The following WDR25 variants were observed in gnomAD, a reference collection of about 807,000 sequenced individuals.
WDR25 encodes WD repeat domain 25.
In WDR25, 35 loss-of-function variants were observed where a neutral mutation model predicts 47.7. That is an observed-to-expected ratio of 0.73 (90% CI 0.56 to 0.97). The LOEUF (loss-of-function observed/expected upper bound fraction) is 0.97. WDR25 is among the 50% of genes least tolerant of loss of function. WDR25 has a pLI of 0.00. For missense variants in WDR25, 634 were observed against 704.7 expected (o/e 0.90, Z 1.14); for synonymous variants, 248 against 278.9 (o/e 0.89, Z 1.10).
rs1898621535 is a variant in WDR25, at chr14:100,440,036, C to T, written c.823-27985C>T. On this transcript the variant is annotated intron_variant, in intron 2 of 6. Coordinates refer to ENST00000402312, the MANE Select transcript of WDR25 (RefSeq NM_001161476.3). The surrounding 1 kb of genome is among the most constrained non-coding windows in gnomAD (Gnocchi z 4.4). ...AAAGGATCCATTGTTAAGAAACAAACATGGGAAACTGTCATGTGAGCGTCC... is the reference window on the plus strand; with the variant it reads ...AAAGGATCCATTGTTAAGAAACAAATATGGGAAACTGTCATGTGAGCGTCC... Among the ~76,000 whole-genome samples, 1 of 152,166 alleles carries T rather than the reference C, an allele frequency of 6.6e-6. No homozygotes were observed. The highest frequency in any genetic ancestry group is 1.5e-5 in the Non-Finnish European group (1 of 68,028).
In WDR25 at chr14:100,529,242, A is replaced by T; in HGVS notation, c.1413+34A>T. The T allele has an allele frequency of 6.2e-7, 1 of 1,611,334 alleles. No individual in the cohort carries two copies. The highest frequency in any genetic ancestry group is 8.5e-7 in the Non-Finnish European group (1 of 1,179,400). ...GTCCTTGTCCCCCAGGCGAATGCTGAGCCCCAGCCCCAAGCCTCCTGGCAG... is the reference window on the plus strand; with the variant it reads ...GTCCTTGTCCCCCAGGCGAATGCTGTGCCCCAGCCCCAAGCCTCCTGGCAG... On this transcript the variant is annotated intron_variant, in intron 6 of 6. Transcript: ENST00000402312. The surrounding 1 kb of genome is among the most constrained non-coding windows in gnomAD (Gnocchi z 5.1).
At chr14:100,528,844 T>C (rs1288180655) in intron 5 of WDR25, among the ~76,000 whole-genome samples, 2 of 152,200 alleles carry the variant, frequency 1.3e-5, no homozygotes, top group Admixed American at 1.3e-4. Context: ...GCCAACATCT[T>C]GACTTCAGCC....
chr14:100,431,722 T>TG (rs1898343436), intron 2 of WDR25, among the ~76,000 whole-genome samples: 1 of 151,688 alleles, frequency 6.6e-6, no homozygotes, highest in Admixed American at 6.6e-5. Flanking sequence ...AATTTTTTTT[T>TG]TTTTTGAGAT....
At chr14:100,461,678 A>C (rs1422342853) in intron 2 of WDR25, among the ~76,000 whole-genome samples, 1 of 152,210 alleles carries the variant, frequency 6.6e-6, no homozygotes, top group East Asian at 1.9e-4. Context: ...CTGGTTGCAC[A>C]GGCTTGTGCT....
At chr14:100,414,313 C>CTTTTT (rs1202018412) in intron 2 of WDR25, among the ~76,000 whole-genome samples, 3 of 102,848 alleles carry the variant, frequency 2.9e-5, no homozygotes, top group Admixed American at 1.0e-4. Context: ...AGAGGTAGTT[C>CTTTTT]TTTTTTTTTT....
rs1036385480 is a variant in WDR25, at chr14:100,498,465, G to A, written c.1101+14341G>A. The stretch of plus-strand genomic sequence containing the variant: ...TTTTTTCTTTTTTTTCAAAAAGGTC[G>A]GTTTTCTGGCTCACCTCACTCATTT... On this transcript the variant is annotated intron_variant, in intron 4 of 6. Coordinates refer to ENST00000402312, the MANE Select transcript of WDR25 (RefSeq NM_001161476.3). This position sits in a 1 kb window ranked among gnomAD's most constrained non-coding sequence, Gnocchi z 4.2. 3.3e-5 allele frequency among the ~76,000 whole-genome samples: 5 copies of A among 151,994 alleles called. No individual in the cohort carries two copies. The highest frequency in any genetic ancestry group is 2.1e-4 in the South Asian group (1 of 4,816).
chr14:100,392,312 C>T lies in WDR25; in HGVS notation c.822+10566C>T, dbSNP rs1285550668. On this transcript the variant is annotated intron_variant, in intron 2 of 6. Transcript: ENST00000402312. The surrounding 1 kb of genome is among the most constrained non-coding windows in gnomAD (Gnocchi z 4.2). ...TATTGTGTTGGTAAAAACGTCAGCA[C>T]ATCCTAGTTCTGGGATAAGTGAGTG... Among the ~76,000 whole-genome samples, 12 of 151,862 alleles carry T rather than the reference C, an allele frequency of 7.9e-5. No individual in the cohort carries two copies. The highest frequency in any genetic ancestry group is 7.9e-4 in the Admixed American group (12 of 15,248).
At position 100,525,534 on chromosome 14, in the gene WDR25, T is replaced by A. The variant is rs1477864044; in HGVS notation, c.1102-336T>A. Among the ~76,000 whole-genome samples the A allele has an allele frequency of 6.6e-6, 1 of 152,156 alleles. No homozygotes were observed. The highest frequency in any genetic ancestry group is 1.5e-5 in the Non-Finnish European group (1 of 68,024). On this transcript the variant is annotated intron_variant, in intron 4 of 6. Coordinates refer to ENST00000402312, the MANE Select transcript of WDR25 (RefSeq NM_001161476.3). This position sits in a 1 kb window ranked among gnomAD's most constrained non-coding sequence, Gnocchi z 4.6. ...AAAGCATGACCCCAGTGTTGATGGA[T>A]GTCAATATGCTCTCGAGGTGCCCTT...
chr14:100,459,552 G>A (rs1458055060), intron 2 of WDR25, among the ~76,000 whole-genome samples: 5 of 152,020 alleles, frequency 3.3e-5, no homozygotes, highest in Non-Finnish European at 5.9e-5. Flanking sequence ...TGGAGATGGG[G>A]TCATGACTGA....
intron 2 of WDR25, among the ~76,000 whole-genome samples, chr14:100,443,942 C>T (rs1898747424): frequency 6.6e-6 from 1 of 152,162 alleles, no homozygotes; most frequent in African/African-American, 2.4e-5. Flanking sequence ...ATACCACCTT[C>T]TCTGTTTTGC....
chr14:100,485,643 T>G (rs547470250), intron 4 of WDR25, among the ~76,000 whole-genome samples: 1 of 152,338 alleles, frequency 6.6e-6, no homozygotes, highest in South Asian at 2.1e-4. Flanking sequence ...TTTGTGAACA[T>G]CTGCCTTGGT....
At position 100,413,436 on chromosome 14, in the gene WDR25, C is replaced by T. The variant is rs571353723; in HGVS notation, c.822+31690C>T. On this transcript the variant is annotated intron_variant, in intron 2 of 6. Coordinates refer to ENST00000402312, the MANE Select transcript of WDR25 (RefSeq NM_001161476.3). ...ATTACTTTTTTTTTTTTTTTTGAGA[C>T]GGAGTCTCGCTCTGTCGCCCAGGCT... is the stretch of plus-strand genomic sequence containing the variant. Among the ~76,000 whole-genome samples the T allele has an allele frequency of 4.0e-4, 59 of 147,094 alleles. 1 individual carries two copies. The East Asian group carries it at 5.9e-3, about 15-fold the overall frequency.
intron 3 of WDR25, among the ~76,000 whole-genome samples, chr14:100,473,829 G>A (rs1446244029): frequency 2.0e-5 from 3 of 152,222 alleles, no homozygotes; most frequent in Non-Finnish European, 4.4e-5. Flanking sequence ...GGGCTTCTCC[G>A]TTCTTTGGCT....
chr14:100,458,797 G>A (rs1196460008), intron 2 of WDR25, among the ~76,000 whole-genome samples: 2 of 152,154 alleles, frequency 1.3e-5, no homozygotes, highest in Non-Finnish European at 2.9e-5. Context: ...TAAATAGCCC[G>A]TGGGTCAATG....
At chr14:100,514,880 G>A (rs1901440479) in intron 4 of WDR25, among the ~76,000 whole-genome samples, 1 of 151,934 alleles carries the variant, frequency 6.6e-6, no homozygotes, top group Admixed American at 6.6e-5. Context: ...AACATTTCCT[G>A]TATTTTTGGT....
intron 4 of WDR25, among the ~76,000 whole-genome samples, chr14:100,496,284 T>C (rs1268154229): frequency 6.6e-6 from 1 of 152,256 alleles, no homozygotes; most frequent in Non-Finnish European, 1.5e-5. Context: ...TTGTGAAACT[T>C]AATGTACATA....
At chr14:100,510,025 C>T (rs1157060850) in intron 4 of WDR25, among the ~76,000 whole-genome samples, 1 of 151,728 alleles carries the variant, frequency 6.6e-6, no homozygotes, top group Non-Finnish European at 1.5e-5. Context: ...AACCCCAGCA[C>T]TTTGGGAGGC....
chr14:100,400,108 G>A (rs1404573893), intron 2 of WDR25, among the ~76,000 whole-genome samples: 1 of 152,250 alleles, frequency 6.6e-6, no homozygotes, highest in Non-Finnish European at 1.5e-5. Flanking sequence ...CCATTTCTGA[G>A]ACATGGGGTC....
intron 2 of WDR25, among the ~76,000 whole-genome samples, chr14:100,401,456 G>T (rs1303348324): frequency 6.6e-6 from 1 of 152,162 alleles, no homozygotes; most frequent in Non-Finnish European, 1.5e-5. Flanking sequence ...TCCTTGGCAG[G>T]GGTGGCCCTG....
Sources: gnomAD v4.1 joint callset for allele counts (sites outside exome capture counted in the v4.1 genomes callset) on GRCh38, gnomAD v4.1.1 for gene constraint, Gnocchi (gnomAD v3.1) non-coding constraint, MANE v1.5 for transcripts, NCBI Gene and HGNC (gene_info 2026-07-23, HGNC 2026-07-21) for gene names.